Variants in PCDHA1 observed in about 807,000 individuals in gnomAD.
The protein encoded by PCDHA1 is protocadherin alpha 1.
Under a neutral mutation model 61.3 loss-of-function variants are expected in PCDHA1, and 42 were observed. The observed-to-expected ratio is 0.69, with a 90% CI of 0.54 to 0.89. The LOEUF is 0.89. Among genes scored for constraint, PCDHA1 ranks in the 40% least tolerant of loss-of-function variants. The probability of loss-of-function intolerance (pLI) is 0.00; values close to 1 mark genes in which losing one functional copy is unlikely to be tolerated. For missense variants in PCDHA1, 1,256 were observed against 1,235.3 expected (o/e 1.02, Z -0.25); for synonymous variants, 610 against 553.8 (o/e 1.10, Z -1.43).
At chr5:140,941,204 T>TTTCC (rs1348435161) in intron 1 of PCDHA1, among the ~76,000 whole-genome samples, 2 of 88,662 alleles carry the variant, frequency 2.3e-5, no homozygotes, top group Non-Finnish European at 4.4e-5. Flanking sequence ...TCTTTCTTCC[T>TTTCC]TTCTTTCTTC....
intron 1 of PCDHA1, among the ~76,000 whole-genome samples, chr5:140,799,655 G>A (rs1554121005): frequency 6.6e-6 from 1 of 151,780 alleles, no homozygotes; most frequent in Non-Finnish European, 1.5e-5. Flanking sequence ...ATTTATTCAT[G>A]AAAACAACAA....
intron 3 of PCDHA1, among the ~76,000 whole-genome samples, chr5:140,999,340 C>T (rs903484891): frequency 2.6e-5 from 4 of 152,146 alleles, no homozygotes; most frequent in African/African-American, 4.8e-5. Flanking sequence ...ATTTATAAGC[C>T]TTGTCTCTTT....
intron 1 of PCDHA1, chr5:140,810,988 A>G (rs1188660175): frequency 6.6e-6 from 1 of 152,160 alleles, no homozygotes; most frequent in Non-Finnish European, 1.5e-5. Flanking sequence ...GGTAGGGGTC[A>G]AGATTTATTT....
intron 1 of PCDHA1, chr5:140,967,098 G>C: frequency 6.2e-7 from 1 of 1,613,130 alleles, no homozygotes; most frequent in Non-Finnish European, 8.5e-7. Flanking sequence ...GAGGCGCTGT[G>C]TGAGCAGCGG....
At chr5:140,880,791 A>G (rs950375774) in intron 1 of PCDHA1, among the ~76,000 whole-genome samples, 4 of 152,242 alleles carry the variant, frequency 2.6e-5, no homozygotes, top group Non-Finnish European at 4.4e-5. Context: ...GAGGAGTAAT[A>G]TAAATAGGTG....
chr5:140,877,704 C>G, intron 1 of PCDHA1: 2 of 1,613,952 alleles, frequency 1.2e-6, no homozygotes, highest in South Asian at 1.1e-5. Context: ...GCTCCAGCGC[C>G]GTGGGGAGTT....
At chr5:140,927,123 C>T (rs2083865957) in intron 1 of PCDHA1, 1 of 1,613,986 alleles carries the variant, frequency 6.2e-7, no homozygotes, top group Non-Finnish European at 8.5e-7. Context: ...ATTTGGTGGT[C>T]AGAGAGCCGG....
chr5:140,945,182 A>G (rs2093754559), intron 1 of PCDHA1, among the ~76,000 whole-genome samples: 1 of 152,174 alleles, frequency 6.6e-6, no homozygotes, highest in Non-Finnish European at 1.5e-5. Context: ...ATAAATCAAG[A>G]AAACCATGCT....
intron 2 of PCDHA1, among the ~76,000 whole-genome samples, chr5:140,981,563 G>A (rs2096938689): frequency 6.6e-6 from 1 of 152,110 alleles, no homozygotes; most frequent in African/African-American, 2.4e-5. Flanking sequence ...GACAGAGTGA[G>A]GCTTTGTCTC....
intron 1 of PCDHA1, chr5:140,929,542 C>A (rs2086218387): frequency 1.9e-6 from 1 of 536,790 alleles, no homozygotes; most frequent in Non-Finnish European, 3.0e-6. Context: ...GAAACAAGGG[C>A]AAAAATTAAA....
intron 3 of PCDHA1, 56 bp downstream of exon 3, chr5:140,982,619 C>G (rs561557496): frequency 7.5e-6 from 12 of 1,589,654 alleles, no homozygotes; most frequent in Middle Eastern, 3.4e-4. Context: ...GATCAGATGA[C>G]CTACTTTTGT....
intron 1 of PCDHA1, among the ~76,000 whole-genome samples, chr5:140,921,213 G>A (rs759293646): frequency 1.3e-5 from 2 of 151,378 alleles, no homozygotes; most frequent in East Asian, 1.9e-4. Context: ...GATAATTCAC[G>A]TCTTTTTTGC....
intron 1 of PCDHA1, among the ~76,000 whole-genome samples, chr5:140,910,796 C>T (rs2075173732): frequency 6.6e-6 from 1 of 152,112 alleles, no homozygotes; most frequent in South Asian, 2.1e-4. Flanking sequence ...ATGCAGAATC[C>T]CTGCTTAGTG....
At chr5:140,993,462 T>TCACACACA (rs3836747) in intron 3 of PCDHA1, among the ~76,000 whole-genome samples, 2,160 of 141,010 alleles carry the variant, frequency 0.015, 29 homozygotes, top group Admixed American at 0.024. Flanking sequence ...TCTTTCTTTC[T>TCACACACA]CACACACACA....
chr5:140,794,574 A>G (rs1761867029), intron 1 of PCDHA1, among the ~76,000 whole-genome samples: 1 of 152,248 alleles, frequency 6.6e-6, no homozygotes, highest in Non-Finnish European at 1.5e-5. Context: ...TATACTTAAC[A>G]TTACTGAAAT....
intron 1 of PCDHA1, among the ~76,000 whole-genome samples, chr5:140,847,109 G>T (rs1267875417): frequency 6.7e-6 from 1 of 149,752 alleles, no homozygotes; most frequent in Admixed American, 6.7e-5. Context: ...CACACAGTCT[G>T]CAGAGAATGA....
intron 1 of PCDHA1, chr5:140,841,355 T>C: frequency 6.2e-7 from 1 of 1,612,706 alleles, no homozygotes; most frequent in Non-Finnish European, 8.5e-7. Flanking sequence ...GCTGGGATCC[T>C]GGCGACTACT....
At chr5:140,890,784 T>C (rs2062805881) in intron 1 of PCDHA1, among the ~76,000 whole-genome samples, 1 of 152,212 alleles carries the variant, frequency 6.6e-6, no homozygotes, top group South Asian at 2.1e-4. Flanking sequence ...CCATAAGATA[T>C]TAGTATTATT....
At chr5:140,928,475 G>A (rs369473809) in intron 1 of PCDHA1, 1 of 1,614,136 alleles carries the variant, frequency 6.2e-7, no homozygotes, top group African/African-American at 1.3e-5. Context: ...GTAGAAGGCC[G>A]GGATGGTGGC....
Sources: gnomAD v4.1 joint callset for allele counts (sites outside exome capture counted in the v4.1 genomes callset) on GRCh38, gnomAD v4.1.1 for gene constraint, MANE v1.5 for transcripts, NCBI Gene and HGNC (gene_info 2026-07-23, HGNC 2026-07-21) for gene names.